The following RALYL variants were observed in gnomAD, a reference collection of about 807,000 sequenced individuals.
RALYL encodes the protein RNA-binding Raly-like protein.
Under a neutral mutation model 35.1 loss-of-function variants are expected in RALYL, and 29 were observed. The ratio of observed to expected loss-of-function variants is 0.83; its 90% CI spans 0.61 to 1.13. The LOEUF is 1.13. Among genes scored for constraint, RALYL ranks in the 50% most tolerant of loss-of-function variants. The probability of loss-of-function intolerance (pLI) is 0.00; values close to 1 mark genes in which losing one functional copy is unlikely to be tolerated. For synonymous variants in RALYL, 120 were observed against 127.6 expected, an observed-to-expected ratio of 0.94 and a Z score of 0.40; for missense variants, 359 against 360.4, an observed-to-expected ratio of 1.00 and a Z score of 0.03.
At chr8:84,233,009 C>A (rs1825714270) in intron 1 of RALYL, among the ~76,000 whole-genome samples, 1 of 151,836 alleles carries the variant, frequency 6.6e-6, no homozygotes, top group African/African-American at 2.4e-5. Flanking sequence ...AAGACAGGGT[C>A]TTGCTTTGCC....
chr8:84,284,791 G>A (rs1837285317), intron 1 of RALYL, among the ~76,000 whole-genome samples: 1 of 152,072 alleles, frequency 6.6e-6, no homozygotes, highest in Non-Finnish European at 1.5e-5. Context: ...AGATGGTTAG[G>A]GCCAAGCTCT....
At position 84,300,256 on chromosome 8, in the gene RALYL, C is replaced by A. The variant is rs540137211; in HGVS notation, c.-24+115832C>A. Among the ~76,000 whole-genome samples the A allele has an allele frequency of 3.3e-5, 5 of 151,848 alleles. No individual in the cohort carries two copies. The South Asian group carries it at 6.2e-4, about 19-fold the overall frequency. ...ATGTAATTGTATGGTTTTAAGCAAT[C>A]TTCATAGTACTGACTTCTATTTTTG... On this transcript the variant is annotated intron_variant, in intron 1 of 8. Coordinates refer to ENST00000521268, the MANE Select transcript of RALYL (RefSeq NM_173848.7).
intron 1 of RALYL, among the ~76,000 whole-genome samples, chr8:84,293,519 C>T (rs1204812198): frequency 4.6e-5 from 7 of 152,102 alleles, no homozygotes. Context: ...TTGAAATTCT[C>T]TCCTGTGGCC....
intron 1 of RALYL, among the ~76,000 whole-genome samples, chr8:84,245,015 A>G (rs1467968372): frequency 6.6e-6 from 1 of 152,156 alleles, no homozygotes; most frequent in East Asian, 1.9e-4. Flanking sequence ...TACAAGGGGA[A>G]CATGGAGTGA....
At chr8:84,800,665 T>C (rs1310445899) in intron 3 of RALYL, among the ~76,000 whole-genome samples, 1 of 152,214 alleles carries the variant, frequency 6.6e-6, no homozygotes, top group Non-Finnish European at 1.5e-5. Context: ...CCTTTCTTCA[T>C]GAAACAATTA....
At chr8:84,188,870 G>A (rs1347688305) in intron 1 of RALYL, among the ~76,000 whole-genome samples, 3 of 151,970 alleles carry the variant, frequency 2.0e-5, no homozygotes, top group Admixed American at 2.0e-4. Flanking sequence ...CTTACCTTGT[G>A]GAAAATTAAC....
chr8:84,503,102 T>C (rs542217532), intron 1 of RALYL, among the ~76,000 whole-genome samples: 2 of 152,100 alleles, frequency 1.3e-5, no homozygotes, highest in Non-Finnish European at 2.9e-5. Flanking sequence ...AAAATCTATG[T>C]GAGTTTTTAA....
At chr8:84,391,527 A>G (rs768765165) in intron 1 of RALYL, among the ~76,000 whole-genome samples, 6 of 152,058 alleles carry the variant, frequency 3.9e-5, no homozygotes, top group Non-Finnish European at 7.4e-5. Flanking sequence ...AGTTCATTGT[A>G]CTATTTACCT....
chr8:84,885,177 T>C (rs945756836), intron 7 of RALYL, among the ~76,000 whole-genome samples: 4 of 152,052 alleles, frequency 2.6e-5, no homozygotes, highest in Admixed American at 6.6e-5. Context: ...CAATGAATGA[T>C]ATGTGGAAGG....
intron 2 of RALYL, among the ~76,000 whole-genome samples, chr8:84,702,025 A>G (rs1441961830): frequency 6.6e-6 from 1 of 152,186 alleles, no homozygotes; most frequent in Non-Finnish European, 1.5e-5. Flanking sequence ...CACTTTACTG[A>G]AGCATCAAAT....
chr8:84,474,052 A>C (rs533870737), intron 1 of RALYL, among the ~76,000 whole-genome samples: 6 of 152,224 alleles, frequency 3.9e-5, no homozygotes, highest in African/African-American at 1.4e-4. Flanking sequence ...AACCCATGAC[A>C]TTCTCTTTAT....
chr8:84,471,322 C>G (rs2052716252), intron 1 of RALYL, among the ~76,000 whole-genome samples: 1 of 151,986 alleles, frequency 6.6e-6, no homozygotes, highest in Admixed American at 6.6e-5. Flanking sequence ...GTGTCTCACA[C>G]CTGTAATCCC....
chr8:84,885,584 G>C (rs1405991879), intron 7 of RALYL, among the ~76,000 whole-genome samples: 1 of 152,106 alleles, frequency 6.6e-6, no homozygotes, highest in African/African-American at 2.4e-5. Flanking sequence ...GGAGAAATTT[G>C]AACCTAATAA....
intron 1 of RALYL, among the ~76,000 whole-genome samples, chr8:84,440,786 G>T (rs1385163125): frequency 2.6e-5 from 4 of 151,928 alleles, no homozygotes; most frequent in Non-Finnish European, 5.9e-5. Flanking sequence ...TTGTTTCCAG[G>T]TTTGGAGGAT....
At chr8:84,583,401 A>G (rs1054588599) in intron 2 of RALYL, among the ~76,000 whole-genome samples, 32 of 152,168 alleles carry the variant, frequency 2.1e-4, no homozygotes, top group African/African-American at 7.5e-4. Flanking sequence ...TTCAGGCACA[A>G]TGCAGTGCCA....
At chr8:84,621,478 T>C (rs1348143304) in intron 2 of RALYL, among the ~76,000 whole-genome samples, 3 of 152,132 alleles carry the variant, frequency 2.0e-5, no homozygotes, top group Non-Finnish European at 4.4e-5. Context: ...ACGCACCCAC[T>C]GACCTGCGCC....
intron 1 of RALYL, among the ~76,000 whole-genome samples, chr8:84,192,911 G>GC (rs1814320984): frequency 6.8e-6 from 1 of 146,294 alleles, no homozygotes; most frequent in Admixed American, 6.8e-5. Context: ...GTGTGTGGGG[G>GC]GGGGGGTTGT....
intron 2 of RALYL, among the ~76,000 whole-genome samples, chr8:84,580,233 AT>A (rs1171598636): frequency 1.3e-5 from 2 of 152,176 alleles, no homozygotes; most frequent in African/African-American, 4.8e-5. Flanking sequence ...TGGCAAATAT[AT>A]TTTTATTGTC....
chr8:84,272,499 T>C (rs115978296), intron 1 of RALYL, among the ~76,000 whole-genome samples: 1,708 of 152,312 alleles, frequency 0.011, 28 homozygotes, highest in African/African-American at 0.039. Flanking sequence ...GAAAGTGGCA[T>C]TTTTTAACTT....
Sources: allele counts gnomAD v4.1 joint callset (sites outside exome capture counted in the v4.1 genomes callset), GRCh38; gene constraint gnomAD v4.1.1; transcripts MANE v1.5; gene names NCBI Gene and HGNC (gene_info 2026-07-23, HGNC 2026-07-21).